The following GABBR2 variants were observed in gnomAD, a reference collection of about 807,000 sequenced individuals.
GABBR2 encodes G-protein coupled receptor 51.
In GABBR2, 23 loss-of-function variants were observed where a neutral mutation model predicts 105.6. The observed-to-expected ratio is 0.22, with a 90% CI of 0.16 to 0.31. GABBR2 has a LOEUF of 0.31. Among genes scored for constraint, GABBR2 ranks in the 10% least tolerant of loss-of-function variants. GABBR2 has a pLI of 1.00. For missense variants in GABBR2, 734 were observed against 1,245.5 expected (o/e 0.59, Z 6.18); for synonymous variants, 478 against 499.7 (o/e 0.96, Z 0.58).
intron 1 of GABBR2, among the ~76,000 whole-genome samples, chr9:98,704,765 A>G (rs1830873094): frequency 1.3e-5 from 2 of 151,774 alleles, no homozygotes; most frequent in Admixed American, 1.3e-4. Context: ...AATTGAAAAA[A>G]AATATCTTTA....
Position 98,297,632 on chromosome 9 carries a change from T to TC in GABBR2, c.2542+1591_2542+1592insG, listed in dbSNP as rs1388008501. Among the ~76,000 whole-genome samples the TC allele has an allele frequency of 2.8e-5, 4 of 142,138 alleles. No individual in the cohort carries two copies. The East Asian group carries it at 8.1e-4, about 29-fold the overall frequency. 93.2% of individuals were successfully genotyped at this position (142,138 alleles called of 152,430 possible). On this transcript the variant is annotated intron_variant, in intron 17 of 18. Transcript: ENST00000259455. ...CCGTCTCAAAAAAATAAAAAATAAA[T>TC]AAATAAAATAAAGATTTTTCATTGA...
chr9:98,648,106 T>TA (rs1161825943), intron 1 of GABBR2, among the ~76,000 whole-genome samples: 1 of 103,608 alleles, frequency 9.7e-6, no homozygotes, highest in Non-Finnish European at 2.0e-5. Flanking sequence ...TGTGTGTGTG[T>TA]GTGTGTGTGT....
At chr9:98,428,588 T>C (rs553808705) in intron 7 of GABBR2, among the ~76,000 whole-genome samples, 2 of 152,106 alleles carry the variant, frequency 1.3e-5, no homozygotes, top group Non-Finnish European at 2.9e-5. Flanking sequence ...AGCCTTGAAG[T>C]TCTGTGAAGA....
intron 1 of GABBR2, among the ~76,000 whole-genome samples, chr9:98,583,185 T>G (rs937005735): frequency 2.0e-5 from 3 of 152,210 alleles, no homozygotes; most frequent in Admixed American, 2.0e-4. Flanking sequence ...TTGCAGTGAA[T>G]AACAAAATAA....
chr9:98,318,839 T>C (rs1830766998), intron 13 of GABBR2, among the ~76,000 whole-genome samples: 1 of 151,962 alleles, frequency 6.6e-6, no homozygotes, highest in African/African-American at 2.4e-5. Flanking sequence ...TATGGTAAAA[T>C]TGGTAGGTTT....
intron 3 of GABBR2, among the ~76,000 whole-genome samples, chr9:98,534,373 C>T (rs138650994): frequency 3.3e-4 from 50 of 152,282 alleles, no homozygotes; most frequent in Non-Finnish European, 4.3e-4. Context: ...CAGCCATGCT[C>T]ATGGCAGGCA....
chr9:98,430,288 C>CAA lies in GABBR2; in HGVS notation c.1236+23691_1236+23692dup, dbSNP rs55760467. 5.1e-3 allele frequency among the ~76,000 whole-genome samples: 452 copies of CAA among 88,636 alleles called. 7 individuals carry two copies. Among genetic ancestry groups the CAA allele is most frequent in the African/African-American group, 0.018 (378 of 20,638 alleles). 58.1% of individuals were successfully genotyped at this position (88,636 alleles called of 152,430 possible). On this transcript the variant is annotated intron_variant, in intron 7 of 18. Coordinates refer to ENST00000259455, the MANE Select transcript of GABBR2 (RefSeq NM_005458.8). ...CTGGCGACAGAGCGAGACTCCGTCT[C>CAA]AAAAAAAAAAAAAAAAAAAAAAGTT...
chr9:98,508,627 G>A (rs564295719), intron 3 of GABBR2, among the ~76,000 whole-genome samples: 139 of 151,958 alleles, frequency 9.1e-4, no homozygotes, highest in Admixed American at 1.9e-3. Context: ...TCCCGCGCAT[G>A]GCTCGGAGGG....
At chr9:98,356,573 C>T (rs756442044) in intron 13 of GABBR2, among the ~76,000 whole-genome samples, 1 of 152,172 alleles carries the variant, frequency 6.6e-6, no homozygotes, top group African/African-American at 2.4e-5. Flanking sequence ...GTTTGCAAAA[C>T]GGTATAGTCA....
chr9:98,474,335 G>A (rs1224257619), intron 5 of GABBR2, among the ~76,000 whole-genome samples: 1 of 152,052 alleles, frequency 6.6e-6, no homozygotes, highest in African/African-American at 2.4e-5. Flanking sequence ...AATTCTTATT[G>A]TCATTATTTT....
intron 7 of GABBR2, among the ~76,000 whole-genome samples, chr9:98,424,490 G>C (rs909528935): frequency 6.6e-6 from 1 of 152,106 alleles, no homozygotes; most frequent in Non-Finnish European, 1.5e-5. Context: ...AGGGCAATTA[G>C]GCAGGAGAAG....
intron 1 of GABBR2, among the ~76,000 whole-genome samples, chr9:98,703,282 C>T (rs1310427629): frequency 6.6e-6 from 1 of 152,004 alleles, no homozygotes; most frequent in Non-Finnish European, 1.5e-5. Context: ...CATTTGAGCC[C>T]CTGGATTTGA....
chr9:98,657,504 T>C (rs1252198026), intron 1 of GABBR2, among the ~76,000 whole-genome samples: 1 of 152,104 alleles, frequency 6.6e-6, no homozygotes, highest in East Asian at 1.9e-4. Flanking sequence ...GGGACTCAGA[T>C]GTAAGGAAGG....
At chr9:98,582,254 G>T (rs1829013218) in intron 1 of GABBR2, among the ~76,000 whole-genome samples, 2 of 152,242 alleles carry the variant, frequency 1.3e-5, no homozygotes, top group Admixed American at 1.3e-4. Flanking sequence ...GCAGAGGGGA[G>T]ATCAGAGATT....
At chr9:98,470,698 C>A (rs769271812) in intron 6 of GABBR2, among the ~76,000 whole-genome samples, 23 of 152,192 alleles carry the variant, frequency 1.5e-4, no homozygotes, top group Non-Finnish European at 1.8e-4. Context: ...TAGAATCCAA[C>A]CTTGCACTGG....
intron 1 of GABBR2, among the ~76,000 whole-genome samples, chr9:98,588,839 A>G (rs1193784325): frequency 2.6e-5 from 4 of 152,178 alleles, no homozygotes; most frequent in South Asian, 2.1e-4. Context: ...AAACCATTCC[A>G]TGGGTATTCT....
At chr9:98,492,048 T>C (rs1827184952) in intron 4 of GABBR2, among the ~76,000 whole-genome samples, 1 of 152,124 alleles carries the variant, frequency 6.6e-6, no homozygotes, top group Admixed American at 6.6e-5. Flanking sequence ...ATTTAATGCT[T>C]CAGAGGAGTC....
chr9:98,330,174 C>A (rs1029190705), intron 13 of GABBR2, among the ~76,000 whole-genome samples: 1 of 152,172 alleles, frequency 6.6e-6, no homozygotes, highest in Non-Finnish European at 1.5e-5. Flanking sequence ...TTCTTGAACT[C>A]TTCTCCAGAT....
chr9:98,468,317 A>G (rs1826601394), intron 6 of GABBR2, among the ~76,000 whole-genome samples: 1 of 152,132 alleles, frequency 6.6e-6, no homozygotes, highest in Admixed American at 6.5e-5. Flanking sequence ...AGGAGGTGCC[A>G]CTGTTCTGCC....
Sources: gnomAD v4.1 joint callset for allele counts (sites outside exome capture counted in the v4.1 genomes callset) on GRCh38, gnomAD v4.1.1 for gene constraint, MANE v1.5 for transcripts, NCBI Gene and HGNC (gene_info 2026-07-23, HGNC 2026-07-21) for gene names.